Variants in NDRG1 observed in about 807,000 individuals in gnomAD.
NDRG1 encodes the protein protein NDRG1.
A neutral mutation model predicts 56.9 loss-of-function variants in NDRG1; 32 were observed. The ratio of observed to expected loss-of-function variants is 0.56; its 90% CI spans 0.42 to 0.76. The LOEUF (loss-of-function observed/expected upper bound fraction) is 0.76, where lower values mean the gene tolerates loss of function less well. Among genes scored for constraint, NDRG1 ranks in the 30% least tolerant of loss-of-function variants. The probability of loss-of-function intolerance (pLI) is 0.00; values close to 1 mark genes in which losing one functional copy is unlikely to be tolerated. For synonymous variants in NDRG1, 211 were observed against 204.1 expected, an observed-to-expected ratio of 1.03 and a Z score of -0.29; for missense variants, 507 against 545.7, an observed-to-expected ratio of 0.93 and a Z score of 0.71.
In NDRG1 at chr8:133,284,307, G is replaced by A; in HGVS notation, c.5C>T (p.Ser2Phe). The A allele has an allele frequency of 6.2e-7, 1 of 1,614,106 alleles. No individual in the cohort carries two copies. Among genetic ancestry groups the A allele is most frequent in the Non-Finnish European group, 8.5e-7 (1 of 1,180,040 alleles). ...GAGGTCTACATCCTGCATCTCCCGA[G>A]ACATGTCCCTGCTGTCACCTGCCTG... MSREMQDVDLAE... is the reference protein window; with the variant it reads MFREMQDVDLAE... The change falls in exon 2 of 16, where the codon TCT becomes TTT. Residue 2 changes from serine (S) to phenylalanine (F), a missense_variant. Coordinates refer to ENST00000323851, the MANE Select transcript of NDRG1 (RefSeq NM_006096.4).
At chr8:133,262,777 T>C (rs1243107790) in intron 4 of NDRG1, among the ~76,000 whole-genome samples, 1 of 152,154 alleles carries the variant, frequency 6.6e-6, no homozygotes, top group East Asian at 1.9e-4. Context: ...TTCTGGCCGA[T>C]AGCCTGTGAC....
At chr8:133,272,671 G>A (rs1379338031) in intron 3 of NDRG1, among the ~76,000 whole-genome samples, 1 of 152,174 alleles carries the variant, frequency 6.6e-6, no homozygotes, top group Non-Finnish European at 1.5e-5. Flanking sequence ...CAGAATTGCA[G>A]AAGTATGCTG....
intron 1 of NDRG1, among the ~76,000 whole-genome samples, chr8:133,293,764 G>C (rs74673333): frequency 0.098 from 14,900 of 152,224 alleles, 783 homozygotes; most frequent in African/African-American, 0.12. Flanking sequence ...TGAAACAACA[G>C]CATATCCCCT....
Position 133,250,511 on chromosome 8 carries a change from G to A in NDRG1, c.627C>T (p.His209=), listed in dbSNP as rs1219241276. The A allele has an allele frequency of 6.2e-7, 1 of 1,614,108 alleles. No homozygotes were observed. The highest frequency in any genetic ancestry group is 2.2e-5 in the East Asian group (1 of 44,862). The change falls in exon 10 of 16, where the codon CAC becomes CAT. Residue 209 remains histidine, a synonymous_variant. Coordinates refer to ENST00000323851, the MANE Select transcript of NDRG1 (RefSeq NM_006096.4). ...CATTCACAATGTGCTGGCGGTAGGTGTGGACCACTTCCACGTTACTCTGCA... is the reference window on the plus strand; with the variant it reads ...CATTCACAATGTGCTGGCGGTAGGTATGGACCACTTCCACGTTACTCTGCA... ...EEMQSNVEVV[H]TYRQHIVNDM...
intron 1 of NDRG1, among the ~76,000 whole-genome samples, chr8:133,290,455 G>A (rs1858369203): frequency 6.6e-6 from 1 of 152,192 alleles, no homozygotes; most frequent in African/African-American, 2.4e-5. Flanking sequence ...CGGGGAAACT[G>A]AGGCATCAAG....
chr8:133,250,836 G>A (rs537977884), intron 9 of NDRG1, among the ~76,000 whole-genome samples: 1 of 150,256 alleles, frequency 6.7e-6, no homozygotes, highest in East Asian at 2.0e-4. Context: ...AGACATCCTG[G>A]ATCTAGAGCT....
Position 133,248,782 on chromosome 8 carries a change from CAA to C in NDRG1, c.699-13_699-12del. ...TCCAGGTCGCGCCGGCTGCAGGAAA[CAA>C]ATGCATCATTAGCATGAGGACCCCT... On this transcript the variant is annotated splice_polypyrimidine_tract_variant and intron_variant, in intron 10 of 15. Coordinates refer to ENST00000323851, the MANE Select transcript of NDRG1 (RefSeq NM_006096.4). The C allele has an allele frequency of 6.2e-7, 1 of 1,614,158 alleles. No individual in the cohort carries two copies. Among genetic ancestry groups the C allele is most frequent in the African/African-American group, 1.3e-5 (1 of 75,060 alleles).
intron 15 of NDRG1, chr8:133,240,400 G>C (rs1277866575): frequency 6.6e-6 from 1 of 152,202 alleles, no homozygotes; most frequent in Non-Finnish European, 1.5e-5. Context: ...ATTAATCCTT[G>C]CTGAATTGTC....
chr8:133,239,494 A>T (rs914467376), intron 15 of NDRG1: 5 of 382,736 alleles, frequency 1.3e-5, no homozygotes, highest in South Asian at 1.0e-4. Flanking sequence ...GTGTACGCCC[A>T]TGACCCCATG....
intron 3 of NDRG1, among the ~76,000 whole-genome samples, chr8:133,266,242 C>T (rs1441205003): frequency 6.6e-6 from 1 of 152,262 alleles, no homozygotes; most frequent in East Asian, 1.9e-4. Context: ...GCGGCGCACA[C>T]TCAGGCCTCA....
chr8:133,292,946 A>G (rs1319149885), intron 1 of NDRG1, among the ~76,000 whole-genome samples: 1 of 152,206 alleles, frequency 6.6e-6, no homozygotes, highest in African/African-American at 2.4e-5. Context: ...GGTAGGGCAT[A>G]GGCAGGTCTG....
intron 1 of NDRG1, among the ~76,000 whole-genome samples, chr8:133,288,963 A>G (rs1290462921): frequency 6.6e-6 from 1 of 152,232 alleles, no homozygotes; most frequent in African/African-American, 2.4e-5. Flanking sequence ...CGAGAAGACC[A>G]ATGCCAGAGA....
chr8:133,284,324 A>G lies in NDRG1; in HGVS notation c.-13T>C. The G allele has an allele frequency of 6.2e-7, 1 of 1,613,946 alleles. No individual in the cohort carries two copies. The highest frequency in any genetic ancestry group is 8.5e-7 in the Non-Finnish European group (1 of 1,180,000). On this transcript the variant is annotated 5_prime_UTR_variant, in exon 2 of 16. Transcript: ENST00000323851. ...TCTCCCGAGACATGTCCCTGCTGTCACCTGCCTGCAAGGAGACAAAGGCCA... is the reference window on the plus strand; with the variant it reads ...TCTCCCGAGACATGTCCCTGCTGTCGCCTGCCTGCAAGGAGACAAAGGCCA...
At position 133,239,124 on chromosome 8, in the gene NDRG1, G is replaced by C. The variant is rs1358958330; in HGVS notation, c.944-5C>G. 4.5e-6 allele frequency: 7 copies of C among 1,553,688 alleles called. No homozygotes were observed. The African/African-American group carries it at 5.4e-5, about 12-fold the overall frequency. ...GGGTCATGCTAGCCGAGGGCACTAG[G>C]GGAACAAGAGACAGCCGGTTAGAGG... On this transcript the variant is annotated splice_region_variant and splice_polypyrimidine_tract_variant and intron_variant, in intron 15 of 15. Coordinates refer to ENST00000323851, the MANE Select transcript of NDRG1 (RefSeq NM_006096.4).
At position 133,237,921 on chromosome 8, in the gene NDRG1, C is replaced by CG. The variant is rs1564276096; in HGVS notation, c.*956_*957insC. The CG allele has an allele frequency of 2.6e-5, 6 of 233,078 alleles. No homozygotes were observed. The highest frequency in any genetic ancestry group is 5.1e-5 in the Non-Finnish European group (6 of 118,046). The allele number at this position is 233,078 out of a possible 1,614,324, so 14.4% of individuals were successfully genotyped here. On this transcript the variant is annotated 3_prime_UTR_variant, in exon 16 of 16. Coordinates refer to ENST00000323851, the MANE Select transcript of NDRG1 (RefSeq NM_006096.4). Reference sequence around the variant, plus strand: ...CCCTTACATCGAGTAACCCCAATTCCACCCCCACCCCAGTGCTCCTACTCC... The same window carrying CG: ...CCCTTACATCGAGTAACCCCAATTCCGACCCCCACCCCAGTGCTCCTACTCC...
chr8:133,237,296 G>A lies in NDRG1; in HGVS notation c.*1582C>T, dbSNP rs571731744. 1.6e-4 allele frequency: 36 copies of A among 231,514 alleles called. No individual in the cohort carries two copies. Among genetic ancestry groups the A allele is most frequent in the African/African-American group, 5.3e-4 (24 of 45,318 alleles). The allele number at this position is 231,514 out of a possible 1,614,324, so 14.3% of individuals were successfully genotyped here. ...CTCAGCCTCTCTTGCCCCGATCCCC[G>A]ACTTTTCTACTCAAGGCCAGGGAAG... On this transcript the variant is annotated 3_prime_UTR_variant, in exon 16 of 16. Transcript: ENST00000323851.
chr8:133,280,650 G>A (rs930519100), intron 2 of NDRG1, among the ~76,000 whole-genome samples: 1 of 151,948 alleles, frequency 6.6e-6, no homozygotes, highest in Admixed American at 6.6e-5. Context: ...TAGCCAGGAT[G>A]GTCTCGATTT....
chr8:133,296,885 A>AG (rs928356180), intron 1 of NDRG1: 3 of 216,242 alleles, frequency 1.4e-5, no homozygotes, highest in South Asian at 4.8e-5. Context: ...ATCCCCAGCT[A>AG]GGGGGGAGAT....
At chr8:133,269,213 A>G (rs886925370) in intron 3 of NDRG1, among the ~76,000 whole-genome samples, 1 of 152,032 alleles carries the variant, frequency 6.6e-6, no homozygotes, top group African/African-American at 2.4e-5. Context: ...GGACCCCCCA[A>G]CTTCTGGCTG....
Sources: gnomAD v4.1 joint callset for allele counts (sites outside exome capture counted in the v4.1 genomes callset) on GRCh38, gnomAD v4.1.1 for gene constraint, MANE v1.5 for transcripts, NCBI Gene and HGNC (gene_info 2026-07-23, HGNC 2026-07-21) for gene names.